The following RPL3L variants were observed in gnomAD, a reference collection of about 807,000 sequenced individuals.
RPL3L encodes ribosomal protein uL3-like.
RPL3L carries 44 observed loss-of-function variants against 44.5 expected under a neutral mutation model. The observed-to-expected ratio is 0.99, with a 90% CI of 0.78 to 1.27. RPL3L has a LOEUF of 1.27. Ranked by LOEUF, RPL3L falls within the 50% of genes most tolerant of loss-of-function variation. RPL3L has a pLI of 0.00. For synonymous variants in RPL3L, 292 were observed against 230.7 expected (o/e 1.27, Z -2.41); for missense variants, 631 against 569.1 (o/e 1.11, Z -1.11).
intron 9 of RPL3L, 62 bp from the exon 10 acceptor site, chr16:1,944,955 C>A: frequency 6.2e-7 from 1 of 1,607,462 alleles, no homozygotes; most frequent in Non-Finnish European, 8.5e-7. Flanking sequence ...CGCCCTCCCC[C>A]AGCCAGGCTC....
Position 1,945,553 on chromosome 16 carries a change from G to A in RPL3L, c.1113C>T (p.Thr371=), listed in dbSNP as rs1199892011. ...GGAAGCGGCCATGGCCGAACTTGGA[G>A]GTGGTGTCAATGAACTTGAGCTCAA... ...ENIELKFIDT[T]SKFGHGRFQT... is the part of the protein sequence containing the mutation. Residue 371 remains threonine, a synonymous_variant, in exon 9 of 10, where the codon ACC becomes ACT. Transcript: ENST00000268661. 1 of 1,613,844 alleles carries A rather than the reference G, an allele frequency of 6.2e-7. No individual in the cohort carries two copies. Among genetic ancestry groups the A allele is most frequent in the Non-Finnish European group, 8.5e-7 (1 of 1,179,948 alleles).
rs757646694 is a variant in RPL3L at position 1,947,216 on chromosome 16, G to C, written c.666C>G (p.Val222=). Reference sequence around the variant, plus strand: ...TACCTTTGACGCCTCGACCCTTGGTGACAGCAATGACATCAATGACCTCAC... The same window carrying C: ...TACCTTTGACGCCTCGACCCTTGGTCACAGCAATGACATCAATGACCTCAC... ...SQSEVIDVIA[V]TKGRGVKGVT... Residue 222 remains valine (V), a synonymous_variant, in exon 5 of 10, where the codon GTC becomes GTG. Transcript: ENST00000268661. 3 of 1,612,780 alleles carry C rather than the reference G, an allele frequency of 1.9e-6. No individual in the cohort carries two copies. In the African/African-American group the frequency reaches 4.0e-5, roughly 22 times the overall value.
rs767496876 is a variant in RPL3L at position 1,945,875 on chromosome 16, C to A, written c.1007G>T (p.Cys336Phe). 10 of 1,613,836 alleles carry A rather than the reference C, an allele frequency of 6.2e-6. No individual in the cohort carries two copies. Among genetic ancestry groups the A allele is most frequent in the African/African-American group, 5.3e-5 (4 of 74,936 alleles). Residue 336 changes from cysteine to phenylalanine, a missense_variant, in exon 8 of 10, where the codon TGT becomes TTT. Cys to Phe is a radical substitution (Grantham distance 205). Transcript: ENST00000268661. Reference sequence around the variant, plus strand: ...GACCCGCTTCTTGGTACCAGCAATACAACCCTTCAGCATGACGAAGTCGTT... The same window carrying A: ...GACCCGCTTCTTGGTACCAGCAATAAAACCCTTCAGCATGACGAAGTCGTT... ...VNNDFVMLKG[C>F]IAGTKKRVIT...
Position 1,947,105 on chromosome 16 carries a change from G to A in RPL3L, c.689-7C>T, listed in dbSNP as rs1454136213. On this transcript the variant is annotated splice_polypyrimidine_tract_variant and splice_region_variant and intron_variant, in intron 5 of 9. Transcript: ENST00000268661. ...TGCCAGCGGCTTGTGACCCCTGTGAGTGAGAGGGGCTGGTGGCTGAGAGGC... is the reference window on the plus strand; with the variant it reads ...TGCCAGCGGCTTGTGACCCCTGTGAATGAGAGGGGCTGGTGGCTGAGAGGC... 2 of 1,613,530 alleles carry A rather than the reference G, an allele frequency of 1.2e-6. No homozygotes were observed. The highest frequency in any genetic ancestry group is 1.7e-5 in the Admixed American group (1 of 60,012).
chr16:1,946,064 T>A (rs1597024781), intron 7 of RPL3L, 134 bp from the exon 8 acceptor site: 3 of 684,588 alleles, frequency 4.4e-6, no homozygotes, highest in Non-Finnish European at 7.5e-6. Context: ...GATGTAGGGG[T>A]GACTATCACG....
Position 1,954,103 on chromosome 16 carries a change from G to A in RPL3L, c.49C>T (p.Leu17=). 6.2e-7 allele frequency: 1 copy of A among 1,601,756 alleles called. No individual in the cohort carries two copies. Among genetic ancestry groups the A allele is most frequent in the Non-Finnish European group, 8.5e-7 (1 of 1,175,144 alleles). The change falls in exon 2 of 10, where the codon CTG becomes TTG. Residue 17 remains leucine (L), a synonymous_variant. Transcript: ENST00000268661. ...TGCCGGTGGCTCCTCTTATGGGGCAGGAAGCCCAGGTGTCCGTGCCGAGGG... is the reference window on the plus strand; with the variant it reads ...TGCCGGTGGCTCCTCTTATGGGGCAAGAAGCCCAGGTGTCCGTGCCGAGGG... ...SAPRHGHLGF[L]PHKRSHRHRG...
chr16:1,952,239 G>A (rs993692495), intron 3 of RPL3L, among the ~76,000 whole-genome samples: 10 of 151,714 alleles, frequency 6.6e-5, no homozygotes, highest in African/African-American at 2.4e-4. Flanking sequence ...AAAGTGCTGG[G>A]ACTACTACAG....
intron 5 of RPL3L, 24 bp downstream of exon 5, chr16:1,947,170 G>A (rs2083128962): frequency 1.2e-6 from 2 of 1,612,858 alleles, no homozygotes; most frequent in Admixed American, 1.7e-5. Flanking sequence ...CTGCCCTGGA[G>A]CTGCCATCCT....
intron 4 of RPL3L, among the ~76,000 whole-genome samples, chr16:1,948,339 T>C (rs2083141302): frequency 6.6e-6 from 1 of 152,058 alleles, no homozygotes; most frequent in South Asian, 2.1e-4. Context: ...TTCTCCTGCC[T>C]CAGCTTCTTG....
chr16:1,946,366 T>A (rs891930646), intron 7 of RPL3L, among the ~76,000 whole-genome samples: 1 of 152,236 alleles, frequency 6.6e-6, no homozygotes, highest in Non-Finnish European at 1.5e-5. Context: ...TTCTTGCTTG[T>A]GACTATATCC....
rs200408341 is a variant in RPL3L at position 1,953,987 on chromosome 16, G to C, written c.165C>G (p.His55Gln). The C allele has an allele frequency of 5.2e-5, 83 of 1,590,972 alleles. No homozygotes were observed. The East Asian group carries it at 1.9e-3, about 36-fold the overall frequency. The change falls in exon 2 of 10, where the codon CAC becomes CAG. Residue 55 changes from histidine to glutamine, a missense_variant. Physicochemically the swap from His to Gln is conservative, Grantham distance 24 (BLOSUM62 0). Transcript: ENST00000268661. ...CCGGCCGGTGCACCTCCCGCAGGGTGTGGGTCATGCCCGCCTTGTAGCCCA... is the reference window on the plus strand; with the variant it reads ...CCGGCCGGTGCACCTCCCGCAGGGTCTGGGTCATGCCCGCCTTGTAGCCCA... The part of the protein sequence containing the change: ...AFLGYKAGMT[H>Q]TLREVHRPGL...
At chr16:1,948,707 T>TG (rs1555481158) in intron 4 of RPL3L, among the ~76,000 whole-genome samples, 14 of 142,610 alleles carry the variant, frequency 9.8e-5, no homozygotes, top group South Asian at 4.3e-4. Context: ...GTTGTTTTTT[T>TG]TTTGTTTGTT....
At chr16:1,947,775 C>T (rs995564718) in intron 4 of RPL3L, among the ~76,000 whole-genome samples, 4 of 151,932 alleles carry the variant, frequency 2.6e-5, no homozygotes, top group East Asian at 3.9e-4. Flanking sequence ...AGCAGGACCC[C>T]GCATTTGCAC....
chr16:1,951,726 C>CATTATTATTATTATTATT, intron 3 of RPL3L, among the ~76,000 whole-genome samples: 1 of 138,036 alleles, frequency 7.2e-6, no homozygotes, highest in Non-Finnish European at 1.5e-5. Context: ...GGGAGGTGGA[C>CATTATTATTATTATTATT]ATTATTATTA....
chr16:1,946,943 T>G lies in RPL3L; in HGVS notation c.844A>C (p.Lys282Gln). 1 of 1,600,162 alleles carries G rather than the reference T, an allele frequency of 6.2e-7. No individual in the cohort carries two copies. The highest frequency in any genetic ancestry group is 8.5e-7 in the Non-Finnish European group (1 of 1,173,122). The change falls in exon 6 of 10, where the codon AAG becomes CAG. Residue 282 changes from lysine to glutamine, a missense_variant. Lys to Gln is a moderately conservative substitution (Grantham distance 53). Transcript: ENST00000268661. Reference sequence around the variant, plus strand: ...TACCCCGGCTGAGGACGCACCTTCTTGTTGAGCTCCGTGCGGTGGTGATAG... The same window carrying G: ...TACCCCGGCTGAGGACGCACCTTCTGGTTGAGCTCCGTGCGGTGGTGATAG... The part of the protein sequence containing the change: ...KGYHHRTELN[K>Q]KIFRIGRGPH...
rs771841830 is a variant in RPL3L, at chr16:1,947,257, T to C, written c.625A>G (p.Ser209Gly). ...ARLEKQVPVHSVFSQSEVIDV... is the reference protein window; with the variant it reads ...ARLEKQVPVHGVFSQSEVIDV... ...ATGACCTCACTCTGGCTGAACACGC[T>C]GTGCACGGGCACCTGCTTCTCCAGC... The change falls in exon 5 of 10, where the codon AGC becomes GGC. Residue 209 changes from serine to glycine, a missense_variant. Physicochemically the swap from Ser to Gly is moderately conservative, Grantham distance 56. Transcript: ENST00000268661. The C allele has an allele frequency of 3.1e-6, 5 of 1,613,596 alleles. No individual in the cohort carries two copies. Among genetic ancestry groups the C allele is most frequent in the Non-Finnish European group, 3.4e-6 (4 of 1,179,842 alleles).
chr16:1,946,940 T>G lies in RPL3L; in HGVS notation c.847A>C (p.Lys283Gln), dbSNP rs754897318. 1.1e-5 allele frequency: 18 copies of G among 1,599,496 alleles called. No homozygotes were observed. In the African/African-American group the frequency reaches 2.0e-4, roughly 18 times the overall value. The change falls in exon 6 of 10, where the codon AAG (lysine) becomes CAG (glutamine). Residue 283 changes from lysine (K) to glutamine (Q), a missense_variant and splice_region_variant. By Grantham distance (53) the Lys-to-Gln change is moderately conservative (BLOSUM62 1). Coordinates refer to ENST00000268661, the MANE Select transcript of RPL3L (RefSeq NM_005061.3). The part of the protein sequence containing the change: ...GYHHRTELNK[K>Q]IFRIGRGPHM... ...CCGTACCCCGGCTGAGGACGCACCT[T>G]CTTGTTGAGCTCCGTGCGGTGGTGA... is the stretch of plus-strand genomic sequence containing the variant.
chr16:1,945,910 C>A lies in RPL3L; in HGVS notation c.972G>T (p.Gly324=). The A allele has an allele frequency of 1.9e-6, 3 of 1,612,730 alleles. No individual in the cohort carries two copies. Residue 324 remains glycine (G), a synonymous_variant, in exon 8 of 10, where the codon GGG becomes GGT. Transcript: ENST00000268661. The stretch of plus-strand genomic sequence containing the variant: ...GCATGACGAAGTCGTTGTTCACTTC[C>A]CCGTAGTGGGGGAAGCCACCCTGCA... The part of the protein sequence containing the change: ...ITPLGGFPHY[G]EVNNDFVMLK...
chr16:1,946,658 G>T lies in RPL3L; in HGVS notation c.918C>A (p.Ser306Arg), dbSNP rs1413908223. Residue 306 changes from serine to arginine, a missense_variant, in exon 7 of 10, where the codon AGC becomes AGA. Coordinates refer to ENST00000268661, the MANE Select transcript of RPL3L (RefSeq NM_005061.3). Reference sequence around the variant, plus strand: ...TGATGGACTTGGCAGTCACGTCGTAGCTGGTGGATGCATTGTTCTTCACCA... The same window carrying T: ...TGATGGACTTGGCAGTCACGTCGTATCTGGTGGATGCATTGTTCTTCACCA... ...GKLVKNNAST[S>R]YDVTAKSITP... The T allele has an allele frequency of 3.7e-6, 6 of 1,612,706 alleles. No individual in the cohort carries two copies. The African/African-American group carries it at 5.3e-5, about 14-fold the overall frequency.
Sources: allele counts gnomAD v4.1 joint callset (sites outside exome capture counted in the v4.1 genomes callset), GRCh38; gene constraint gnomAD v4.1.1; transcripts MANE v1.5; gene names NCBI Gene and HGNC (gene_info 2026-07-23, HGNC 2026-07-21).